The following LRRC56 variants were observed in gnomAD, a reference collection of about 807,000 sequenced individuals.
The protein encoded by LRRC56 is leucine-rich repeat-containing protein 56.
In LRRC56, 41 loss-of-function variants were observed where a neutral mutation model predicts 47.8. The observed-to-expected ratio is 0.86, with a 90% CI of 0.67 to 1.11. The LOEUF is 1.11. Among genes scored for constraint, LRRC56 ranks in the 50% most tolerant of loss-of-function variants. LRRC56 has a pLI of 0.00. For missense variants in LRRC56, 759 were observed against 704.2 expected (o/e 1.08, Z -0.88); for synonymous variants, 387 against 311.2 (o/e 1.24, Z -2.56).
the LRRC56 span, among the ~76,000 whole-genome samples, chr11:511,268 C>T: frequency 6.6e-6 from 1 of 150,696 alleles, no homozygotes; most frequent in Admixed American, 6.6e-5. Flanking sequence ...TTGCAGTGAG[C>T]CAAGATCGCG....
intron 13 of LRRC56, 49 bp downstream of exon 13, chr11:552,751 C>T: frequency 1.3e-6 from 2 of 1,533,522 alleles, no homozygotes; most frequent in Non-Finnish European, 8.8e-7. Context: ...TGACCAACAC[C>T]CCACTTCTAT....
chr11:552,610 C>G lies in LRRC56; in HGVS notation c.1223C>G (p.Ala408Gly), dbSNP rs748408852. The G allele has an allele frequency of 6.2e-6, 10 of 1,609,414 alleles. No individual in the cohort carries two copies. The Admixed American group carries it at 6.7e-5, about 11-fold the overall frequency. Residue 408 changes from alanine (A) to glycine (G), a missense_variant, in exon 13 of 14, where the codon GCT becomes GGT. Ala to Gly is a moderately conservative substitution (Grantham distance 60). Coordinates refer to ENST00000270115, the MANE Select transcript of LRRC56 (RefSeq NM_198075.4). ...YRHPESQQEG[A>G]VAPWGPRRVP... ...CACCCGGAGTCCCAACAGGAAGGGG[C>G]TGTAGCCCCCTGGGGCCCACGGAGG...
At chr11:529,996 G>C in the LRRC56 span, among the ~76,000 whole-genome samples, 1 of 152,154 alleles carries the variant, frequency 6.6e-6, no homozygotes, top group Admixed American at 6.5e-5. Context: ...CCTAGGACTC[G>C]GGGTGTGGCT....
At chr11:536,534 C>T (rs753877222), upstream of LRRC56, among the ~76,000 whole-genome samples, 1 of 152,164 alleles carries the variant, frequency 6.6e-6, no homozygotes, top group African/African-American at 2.4e-5. Flanking sequence ...CTTCGGGAGG[C>T]CTAAGCGGGT....
Position 552,122 on chromosome 11 carries a change from CA to C in LRRC56, c.1072del (p.Arg358GlyfsTer52). On this transcript the variant is annotated frameshift_variant, in exon 12 of 14. Coordinates refer to ENST00000270115, the MANE Select transcript of LRRC56 (RefSeq NM_198075.4). LOFTEE classifies it high-confidence loss of function. ...REPPEQLPQHRPGDPAASTST... is the reference protein window; with the variant it reads ...REPPEQLPQHXPGDPAASTST... The stretch of plus-strand genomic sequence containing the variant: ...AGCCCCCCGAGCAGCTGCCCCAACA[CA>C]GGCCAGGAGATCCGGCCGCCAGCAC... The C allele has an allele frequency of 6.2e-7, 1 of 1,612,492 alleles. No homozygotes were observed. Among genetic ancestry groups the C allele is most frequent in the Non-Finnish European group, 8.5e-7 (1 of 1,179,746 alleles).
chr11:554,796 G>C lies in LRRC56; in HGVS notation c.*520G>C, dbSNP rs1167715412. 3.7e-6 allele frequency: 2 copies of C among 534,516 alleles called. No individual in the cohort carries two copies. Among genetic ancestry groups the C allele is most frequent in the East Asian group, 7.1e-5 (2 of 28,366 alleles). 33.1% of individuals were successfully genotyped at this position (534,516 alleles called of 1,614,324 possible). A position where few individuals can be genotyped will look rare whatever the true frequency, so the allele number is the denominator to read the frequency against. ...TTCCCGCACTGCGATAGGGCGGCCC[G>C]TTCCCTCCTCTTGGCGCAGGACGCC... On this transcript the variant is annotated 3_prime_UTR_variant, in exon 14 of 14. Coordinates refer to ENST00000270115, the MANE Select transcript of LRRC56 (RefSeq NM_198075.4).
chr11:540,896 G>A, intron 4 of LRRC56, 35 bp downstream of exon 4: 5 of 1,485,168 alleles, frequency 3.4e-6, no homozygotes, highest in Non-Finnish European at 4.5e-6. Flanking sequence ...GGCCACAGAG[G>A]CCTCCGTGGG....
At chr11:533,308 CG>C (rs35613389), upstream of LRRC56, 5 of 1,600,704 alleles carry the variant, frequency 3.1e-6, no homozygotes, top group Non-Finnish European at 8.5e-7. Context: ...ACATGGGTCC[CG>C]GGGGGTCCCA....
chr11:544,158 G>T (rs1369567384), intron 5 of LRRC56, among the ~76,000 whole-genome samples: 1 of 152,238 alleles, frequency 6.6e-6, no homozygotes, highest in Non-Finnish European at 1.5e-5. Flanking sequence ...CTTGGGCTGT[G>T]CAGAAACACA....
upstream of LRRC56, chr11:532,606 C>T (rs752518909): frequency 2.7e-5 from 43 of 1,600,856 alleles, no homozygotes; most frequent in African/African-American, 5.3e-5. Context: ...GTGGGCGTGG[C>T]GGCCGCCCTG....
upstream of LRRC56, chr11:533,712 G>C (rs2133989129): frequency 6.2e-7 from 1 of 1,611,416 alleles, no homozygotes. Context: ...GGACGCAGCC[G>C]GCCTGGCCCC....
intron 9 of LRRC56, 100 bp downstream of exon 9, chr11:551,402 T>G: frequency 1.1e-6 from 1 of 890,430 alleles, no homozygotes; most frequent in Non-Finnish European, 1.7e-6. Context: ...CCACATCTCA[T>G]GCGCTTCTCC....
Position 554,596 on chromosome 11 carries a change from C to T in LRRC56, c.*320C>T, listed in dbSNP as rs1013851683. The T allele has an allele frequency of 2.4e-5, 10 of 410,216 alleles. No individual in the cohort carries two copies. Among genetic ancestry groups the T allele is most frequent in the Non-Finnish European group, 4.3e-5 (10 of 230,676 alleles). The allele number at this position is 410,216 out of a possible 1,614,324, so 25.4% of individuals were successfully genotyped here. On this transcript the variant is annotated 3_prime_UTR_variant, in exon 14 of 14. Transcript: ENST00000270115. Reference sequence around the variant, plus strand: ...CGAGCAGGCCTGTGAGAGGCCTCTCCTGCTAGAATTGGGCATGGCCGAGGG... The same window carrying T: ...CGAGCAGGCCTGTGAGAGGCCTCTCTTGCTAGAATTGGGCATGGCCGAGGG...
chr11:544,537 A>G (rs1344721538), intron 5 of LRRC56, among the ~76,000 whole-genome samples, 183 bp from the exon 6 acceptor site: 1 of 152,068 alleles, frequency 6.6e-6, no homozygotes, highest in Admixed American at 6.5e-5. Flanking sequence ...TGGCCAGAGG[A>G]GCCCGCAGCC....
At chr11:522,167 A>G in the LRRC56 span, among the ~76,000 whole-genome samples, 4 of 151,948 alleles carry the variant, frequency 2.6e-5, no homozygotes, top group African/African-American at 7.2e-5. Context: ...TGCAGTCTCA[A>G]CCGCCTGGGT....
At chr11:523,288 A>T in the LRRC56 span, among the ~76,000 whole-genome samples, 1 of 176 alleles carries the variant, frequency 5.7e-3, no homozygotes, top group Non-Finnish European at 0.011. Context: ...TTTGGTCTCA[A>T]AGGCGGGATT....
At position 551,200 on chromosome 11, in the gene LRRC56, G is replaced by C. The variant is rs1310199517; in HGVS notation, c.694G>C (p.Val232Leu). The C allele has an allele frequency of 1.3e-6, 2 of 1,546,874 alleles. No individual in the cohort carries two copies. The highest frequency in any genetic ancestry group is 1.7e-6 in the Non-Finnish European group (2 of 1,144,800). Residue 232 changes from valine to leucine, a missense_variant, in exon 9 of 14, where the codon GTG becomes CTG. Transcript: ENST00000270115. ...TCCCCAGCTGCAGGTCCTGGACGAA[G>C]TGCCGGCCGCACACACAGGCCCACC... ...LIPQLQVLDE[V>L]PAAHTGPPAP...
At chr11:548,393 A>C (rs1852197320) in intron 6 of LRRC56, among the ~76,000 whole-genome samples, 1 of 151,962 alleles carries the variant, frequency 6.6e-6, no homozygotes, top group African/African-American at 2.4e-5. Flanking sequence ...TGCTCCTCCC[A>C]CCTCAGCCTC....
rs79948463 is a variant in LRRC56 at position 540,604 on chromosome 11, A to T, written c.-11-70A>T. On this transcript the variant is annotated intron_variant, in intron 3 of 13. Coordinates refer to ENST00000270115, the MANE Select transcript of LRRC56 (RefSeq NM_198075.4). Reference sequence around the variant, plus strand: ...GGGGCGGGGGGTTGAGGGCTGGGCCAGGGTCTCAGCCGGGCTGCAGAGGAG... The same window carrying T: ...GGGGCGGGGGGTTGAGGGCTGGGCCTGGGTCTCAGCCGGGCTGCAGAGGAG... 6.8e-4 allele frequency: 931 copies of T among 1,376,284 alleles called. 1 individual carries two copies. The highest frequency in any genetic ancestry group is 8.5e-4 in the Non-Finnish European group (844 of 996,296). 85.3% of individuals were successfully genotyped at this position (1,376,284 alleles called of 1,614,324 possible). A position where few individuals can be genotyped will look rare whatever the true frequency, so the allele number is the denominator to read the frequency against.
Sources: allele counts gnomAD v4.1 joint callset (sites outside exome capture counted in the v4.1 genomes callset), GRCh38; gene constraint gnomAD v4.1.1; transcripts MANE v1.5; gene names NCBI Gene and HGNC (gene_info 2026-07-23, HGNC 2026-07-21).